The following C10orf105 variants were observed in gnomAD, a reference collection of about 807,000 sequenced individuals.
The protein encoded by C10orf105 is uncharacterized protein C10orf105.
A neutral mutation model predicts 0.6 loss-of-function variants in C10orf105; 2 were observed. The ratio of observed to expected loss-of-function variants is 3.18; its 90% CI spans 1.30 to 10.01. The LOEUF (loss-of-function observed/expected upper bound fraction) is 10.01, where lower values mean the gene tolerates loss of function less well. Ranked by LOEUF, C10orf105 falls within the 30% of genes most tolerant of loss-of-function variation. The pLI, the probability that C10orf105 is intolerant of heterozygous loss-of-function variation, is 0.04. For missense variants in C10orf105, 209 were observed against 191.4 expected (o/e 1.09, Z -0.54); for synonymous variants, 95 against 82.4 (o/e 1.15, Z -0.83).
chr10:71,729,869 C>G (rs894707178), intron 1 of C10orf105, among the ~76,000 whole-genome samples: 5 of 151,438 alleles, frequency 3.3e-5, no homozygotes, highest in Admixed American at 3.3e-4. Context: ...GAGTCTCGCT[C>G]TGTTGCCCAG....
chr10:71,712,497 GTTA>G lies in C10orf105; in HGVS notation c.*3436_*3438del, dbSNP rs1866013737. On this transcript the variant is annotated 3_prime_UTR_variant, in exon 2 of 2. Coordinates refer to ENST00000441508, the MANE Select transcript of C10orf105 (RefSeq NM_001164375.3). ...TGGTGTTATCTAAGTATTTGATACT[GTTA>G]GTGTTATTCCTAAGCTAAAAAGGAA... 1 of 648,138 alleles carries G rather than the reference GTTA, an allele frequency of 1.5e-6. No individual in the cohort carries two copies. The highest frequency in any genetic ancestry group is 2.7e-6 in the Non-Finnish European group (1 of 368,210). 40.1% of individuals were successfully genotyped at this position (648,138 alleles called of 1,614,324 possible). A position where few individuals can be genotyped will look rare whatever the true frequency, so the allele number is the denominator to read the frequency against.
At chr10:71,731,041 G>A (rs1446249376) in intron 1 of C10orf105, among the ~76,000 whole-genome samples, 1 of 152,236 alleles carries the variant, frequency 6.6e-6, no homozygotes, top group African/African-American at 2.4e-5. Context: ...CCTGTACAAG[G>A]GGCAGTACCC....
At chr10:71,733,696 A>G (rs1683154425) in intron 1 of C10orf105, among the ~76,000 whole-genome samples, 1 of 152,232 alleles carries the variant, frequency 6.6e-6, no homozygotes, top group South Asian at 2.1e-4. Context: ...GCTGGGCTTC[A>G]TTGCAATAGT....
chr10:71,727,951 G>C (rs960042332), intron 1 of C10orf105, among the ~76,000 whole-genome samples: 1 of 152,180 alleles, frequency 6.6e-6, no homozygotes, highest in Admixed American at 6.5e-5. Context: ...GGCTGAAACC[G>C]ACCAGAGGCT....
At chr10:71,716,654 A>C (rs779515407) in intron 1 of C10orf105, 1 of 275,536 alleles carries the variant, frequency 3.6e-6, no homozygotes, top group Non-Finnish European at 6.8e-6. Context: ...GAATCATCAC[A>C]GGGTCTTAGG....
Position 71,728,857 on chromosome 10 carries a change from C to T in C10orf105, c.-6+8871G>A, listed in dbSNP as rs1320836354. ...TAGCTGGGATTACAGATGCATGTCA[C>T]CACCCCCGGCTAATTTTTTTTAGAG... On this transcript the variant is annotated intron_variant, in intron 1 of 1. Transcript: ENST00000398786. 2.0e-5 allele frequency among the ~76,000 whole-genome samples: 3 copies of T among 152,210 alleles called. 1 individual carries two copies. Among genetic ancestry groups the T allele is most frequent in the Non-Finnish European group, 1.5e-5 (1 of 67,994 alleles).
intron 1 of C10orf105, chr10:71,734,225 G>A: frequency 1.3e-6 from 2 of 1,596,578 alleles, no homozygotes; most frequent in Non-Finnish European, 1.7e-6. Flanking sequence ...CACCCATCTG[G>A]CCCCTTCCCT....
In C10orf105 at chr10:71,716,040, G is replaced by C. The variant is rs2132769873; in HGVS notation, c.298C>G (p.Leu100Val). Residue 100 changes from leucine to valine, a missense_variant, in exon 2 of 2, where the codon CTG (leucine) becomes GTG (valine). Transcript: ENST00000441508. ...GGCCGGCCATGGCGGAAGCTGTGCAGGGAGAGGCGCAAGGAGCCCAGGCGC... is the reference window on the plus strand; with the variant it reads ...GGCCGGCCATGGCGGAAGCTGTGCACGGAGAGGCGCAAGGAGCCCAGGCGC... ...WKRLGSLRLSLHSFRHGRPTV... is the reference protein window; with the variant it reads ...WKRLGSLRLSVHSFRHGRPTV... 6.6e-7 allele frequency: 1 copy of C among 1,508,690 alleles called. No individual in the cohort carries two copies. The highest frequency in any genetic ancestry group is 8.9e-7 in the Non-Finnish European group (1 of 1,126,192). The allele number at this position is 1,508,690 out of a possible 1,614,324, so 93.5% of individuals were successfully genotyped here.
upstream of C10orf105, among the ~76,000 whole-genome samples, chr10:71,722,615 T>C (rs963778031): frequency 1.3e-5 from 2 of 152,150 alleles, no homozygotes; most frequent in African/African-American, 4.8e-5. Flanking sequence ...AAAGATAGCA[T>C]GTATCAGAGG....
intron 1 of C10orf105, chr10:71,732,041 A>G (rs1442453735): frequency 6.2e-7 from 1 of 1,613,934 alleles, no homozygotes; most frequent in South Asian, 1.1e-5. Context: ...GGGAAGTTTG[A>G]GATTGACGAG....
chr10:71,725,767 T>G (rs1482863351), intron 1 of C10orf105, among the ~76,000 whole-genome samples: 1 of 152,176 alleles, frequency 6.6e-6, no homozygotes, highest in African/African-American at 2.4e-5. Context: ...TCCTAAGGGA[T>G]GAAAGAGGTG....
At chr10:71,731,770 C>T (rs1036784075) in intron 1 of C10orf105, among the ~76,000 whole-genome samples, 1 of 152,154 alleles carries the variant, frequency 6.6e-6, no homozygotes, top group Non-Finnish European at 1.5e-5. Context: ...AAGGCCAAGC[C>T]CCAGAGGAAG....
At chr10:71,730,739 C>T in intron 1 of C10orf105, 11 of 1,312,598 alleles carry the variant, frequency 8.4e-6, no homozygotes, top group Non-Finnish European at 1.2e-5. Flanking sequence ...CAGGGAGGGG[C>T]TGCTGGGATG....
chr10:71,735,454 G>A (rs1312675653), intron 1 of C10orf105, among the ~76,000 whole-genome samples: 6 of 152,184 alleles, frequency 3.9e-5, no homozygotes, highest in African/African-American at 1.4e-4. Flanking sequence ...GTGGGTCCAG[G>A]GCCAGCTACC....
At chr10:71,729,026 A>G (rs971140862) in intron 1 of C10orf105, among the ~76,000 whole-genome samples, 10 of 152,042 alleles carry the variant, frequency 6.6e-5, no homozygotes, top group African/African-American at 2.4e-4. Context: ...GTAGAGACAG[A>G]GTCTCACTAT....
upstream of C10orf105, among the ~76,000 whole-genome samples, chr10:71,720,268 A>C (rs1028910955): frequency 3.9e-5 from 6 of 152,076 alleles, no homozygotes; most frequent in African/African-American, 1.4e-4. Context: ...CTTCCCTTTG[A>C]AGGTGTCTGG....
In C10orf105 at chr10:71,713,328, G is replaced by T; in HGVS notation, c.*2608C>A. Reference sequence around the variant, plus strand: ...GAAGGGAGGACCCTGAAAACAATTTGGGTGTGCACCCACACCTCTGCCCAG... The same window carrying T: ...GAAGGGAGGACCCTGAAAACAATTTTGGTGTGCACCCACACCTCTGCCCAG... On this transcript the variant is annotated 3_prime_UTR_variant, in exon 2 of 2. Coordinates refer to ENST00000441508, the MANE Select transcript of C10orf105 (RefSeq NM_001164375.3). 1 of 777,196 alleles carries T rather than the reference G, an allele frequency of 1.3e-6. No individual in the cohort carries two copies. Among genetic ancestry groups the T allele is most frequent in the South Asian group, 1.3e-5 (1 of 74,222 alleles). 48.1% of individuals were successfully genotyped at this position (777,196 alleles called of 1,614,324 possible).
rs1251402889 is a variant in C10orf105, at chr10:71,713,543, G to A, written c.*2393C>T. 1.4e-5 allele frequency: 7 copies of A among 496,862 alleles called. No individual in the cohort carries two copies. The highest frequency in any genetic ancestry group is 2.5e-5 in the Non-Finnish European group (7 of 276,794). 30.8% of individuals were successfully genotyped at this position (496,862 alleles called of 1,614,324 possible). ...TCCCCTCCCTGCATCGGGACCAGGAGGCGGGCAGGAAAGGGCTGGGGAGCA... is the reference window on the plus strand; with the variant it reads ...TCCCCTCCCTGCATCGGGACCAGGAAGCGGGCAGGAAAGGGCTGGGGAGCA... On this transcript the variant is annotated 3_prime_UTR_variant, in exon 2 of 2. Transcript: ENST00000441508.
At position 71,714,340 on chromosome 10, in the gene C10orf105, C is replaced by T. The variant is rs1485609537; in HGVS notation, c.*1596G>A. On this transcript the variant is annotated 3_prime_UTR_variant, in exon 2 of 2. Coordinates refer to ENST00000441508, the MANE Select transcript of C10orf105 (RefSeq NM_001164375.3). ...CACGCTTCACTCTGTACACAGAAGC[C>T]TCATACTTCTGTGCACAGAACTGGG... 6.6e-6 allele frequency: 1 copy of T among 152,068 alleles called. No homozygotes were observed. Among genetic ancestry groups the T allele is most frequent in the Non-Finnish European group, 1.5e-5 (1 of 68,050 alleles). The allele number at this position is 152,068 out of a possible 1,614,324, so 9.4% of individuals were successfully genotyped here.
Sources: gnomAD v4.1 joint callset for allele counts (sites outside exome capture counted in the v4.1 genomes callset) on GRCh38, gnomAD v4.1.1 for gene constraint, MANE v1.5 for transcripts, NCBI Gene and HGNC (gene_info 2026-07-23, HGNC 2026-07-21) for gene names.